The following KATNAL1 variants were observed in gnomAD, a reference collection of about 807,000 sequenced individuals.
KATNAL1 encodes katanin catalytic subunit A1 like 1.
In KATNAL1, 32 loss-of-function variants were observed where a neutral mutation model predicts 55.2. That is an observed-to-expected ratio of 0.58 (90% CI 0.44 to 0.78). The LOEUF (loss-of-function observed/expected upper bound fraction) is 0.78, where lower values mean the gene tolerates loss of function less well. Among genes scored for constraint, KATNAL1 ranks in the 30% least tolerant of loss-of-function variants. The probability of loss-of-function intolerance (pLI) is 0.00; values close to 1 mark genes in which losing one functional copy is unlikely to be tolerated. For missense variants in KATNAL1, 466 were observed against 600.9 expected, an observed-to-expected ratio of 0.78 and a Z score of 2.35; for synonymous variants, 193 against 193.6, an observed-to-expected ratio of 1.00 and a Z score of 0.02.
At chr13:30,278,410 A>C (rs1022924076) in intron 3 of KATNAL1, among the ~76,000 whole-genome samples, 1 of 152,240 alleles carries the variant, frequency 6.6e-6, no homozygotes, top group Non-Finnish European at 1.5e-5. Context: ...GGGATTTAAA[A>C]ACAAGTACAA....
chr13:30,217,402 T>G (rs1211610339), intron 9 of KATNAL1, among the ~76,000 whole-genome samples: 2 of 152,050 alleles, frequency 1.3e-5, no homozygotes, highest in Non-Finnish European at 2.9e-5. Flanking sequence ...TGCAGTGAGC[T>G]GAGATCGCGC....
intron 3 of KATNAL1, among the ~76,000 whole-genome samples, chr13:30,279,557 G>T (rs77635292): frequency 0.023 from 3,505 of 152,284 alleles, 69 homozygotes; most frequent in Non-Finnish European, 0.035. Flanking sequence ...TGATGCACAG[G>T]CTGGGTATTA....
intron 10 of KATNAL1, 152 bp downstream of exon 10, chr13:30,210,164 T>A: frequency 2.1e-6 from 1 of 471,458 alleles, no homozygotes; most frequent in Non-Finnish European, 3.5e-6. Flanking sequence ...AAGTTATATG[T>A]AAAAAAAAAG....
At chr13:30,210,038 T>A (rs1873522512) in intron 10 of KATNAL1, among the ~76,000 whole-genome samples, 1 of 152,128 alleles carries the variant, frequency 6.6e-6, no homozygotes, top group Admixed American at 6.5e-5. Context: ...CGCCTCGGCC[T>A]CCCAAAGTGC....
intron 3 of KATNAL1, among the ~76,000 whole-genome samples, chr13:30,268,914 G>A (rs1311414745): frequency 6.6e-6 from 1 of 152,184 alleles, no homozygotes; most frequent in East Asian, 1.9e-4. Flanking sequence ...GGTGCTGGGG[G>A]TAAAGCAGCA....
chr13:30,286,761 C>A (rs944185501), intron 1 of KATNAL1, among the ~76,000 whole-genome samples: 14 of 152,216 alleles, frequency 9.2e-5, no homozygotes, highest in Non-Finnish European at 1.3e-4. Flanking sequence ...CACAGACACT[C>A]AAGGTCAGCT....
At chr13:30,226,353 A>G (rs1875469195) in intron 9 of KATNAL1, among the ~76,000 whole-genome samples, 1 of 152,262 alleles carries the variant, frequency 6.6e-6, no homozygotes. Flanking sequence ...CATAATAGCC[A>G]AAAAACTAGG....
At chr13:30,293,338 A>G (rs1409907765) in intron 1 of KATNAL1, among the ~76,000 whole-genome samples, 3 of 152,112 alleles carry the variant, frequency 2.0e-5, no homozygotes, top group African/African-American at 7.2e-5. Context: ...AAAGTGCACA[A>G]GTCTTAAGTG....
At chr13:30,234,333 C>T (rs1272282144) in intron 6 of KATNAL1, among the ~76,000 whole-genome samples, 2 of 152,202 alleles carry the variant, frequency 1.3e-5, no homozygotes, top group Admixed American at 1.3e-4. Flanking sequence ...GCTATTTCTT[C>T]CTCATAAGCT....
intron 4 of KATNAL1, among the ~76,000 whole-genome samples, chr13:30,243,985 G>A (rs1038639745): frequency 6.6e-6 from 1 of 151,906 alleles, no homozygotes; most frequent in African/African-American, 2.4e-5. Context: ...GAACGTGCAG[G>A]TTTGTTCCAT....
At chr13:30,259,576 G>A (rs75130221) in intron 3 of KATNAL1, among the ~76,000 whole-genome samples, 1 of 152,234 alleles carries the variant, frequency 6.6e-6, no homozygotes, top group East Asian at 1.9e-4. Context: ...CGAGGGGTCA[G>A]GGAGTTCCCT....
At chr13:30,274,907 G>GCGCGCACACACA (rs869107567) in intron 3 of KATNAL1, among the ~76,000 whole-genome samples, 63 of 105,426 alleles carry the variant, frequency 6.0e-4, no homozygotes, top group African/African-American at 1.4e-3. Context: ...GCGCGCGCGC[G>GCGCGCACACACA]CACACACACA....
At chr13:30,269,534 C>T (rs1880081400) in intron 3 of KATNAL1, among the ~76,000 whole-genome samples, 3 of 151,068 alleles carry the variant, frequency 2.0e-5, no homozygotes, top group Non-Finnish European at 4.4e-5. Context: ...GGCTGCCCAT[C>T]GTCTGGGACG....
At chr13:30,304,724 A>G (rs1883076554) in intron 1 of KATNAL1, among the ~76,000 whole-genome samples, 1 of 152,160 alleles carries the variant, frequency 6.6e-6, no homozygotes, top group Admixed American at 6.5e-5. Flanking sequence ...TGAACTCCAG[A>G]CTAAAATGCA....
intron 2 of KATNAL1, among the ~76,000 whole-genome samples, chr13:30,280,645 C>T (rs1881210736): frequency 6.6e-6 from 1 of 152,096 alleles, no homozygotes; most frequent in Non-Finnish European, 1.5e-5. Flanking sequence ...CCCAATATCA[C>T]TAAATATAAA....
chr13:30,287,703 A>G (rs1189175584), intron 1 of KATNAL1, among the ~76,000 whole-genome samples: 1 of 152,260 alleles, frequency 6.6e-6, no homozygotes, highest in African/African-American at 2.4e-5. Context: ...TATGTAATTA[A>G]TAAATCCAGT....
intron 3 of KATNAL1, among the ~76,000 whole-genome samples, chr13:30,273,960 C>T (rs950626475): frequency 1.3e-5 from 2 of 152,174 alleles, no homozygotes; most frequent in African/African-American, 2.4e-5. Context: ...GGCTCTCACA[C>T]CCATCTACAA....
chr13:30,304,043 C>CA (rs1252752590), intron 1 of KATNAL1, among the ~76,000 whole-genome samples: 1 of 152,134 alleles, frequency 6.6e-6, no homozygotes, highest in African/African-American at 2.4e-5. Flanking sequence ...TTCAACTTCC[C>CA]AAAATCAAAT....
chr13:30,259,912 T>C (rs1195302059), intron 3 of KATNAL1, among the ~76,000 whole-genome samples: 1 of 152,202 alleles, frequency 6.6e-6, no homozygotes, highest in East Asian at 1.9e-4. Flanking sequence ...GCTCCACCTC[T>C]GGGGGCAGGG....
Sources: allele counts gnomAD v4.1 joint callset (sites outside exome capture counted in the v4.1 genomes callset), GRCh38; gene constraint gnomAD v4.1.1; transcripts MANE v1.5; gene names NCBI Gene and HGNC (gene_info 2026-07-23, HGNC 2026-07-21).